Variants in HBS1L observed in about 807,000 individuals in gnomAD.
HBS1L encodes the protein HBS1 like translational GTPase.
A neutral mutation model predicts 88.9 loss-of-function variants in HBS1L; 55 were observed. The ratio of observed to expected loss-of-function variants is 0.62; its 90% CI spans 0.50 to 0.77. The LOEUF is 0.77. HBS1L is among the 30% of genes least tolerant of loss of function. The pLI, the probability that HBS1L is intolerant of heterozygous loss-of-function variation, is 0.00. For missense variants in HBS1L, 741 were observed against 829.3 expected (o/e 0.89, Z 1.31); for synonymous variants, 267 against 288.5 (o/e 0.93, Z 0.76).
At chr6:135,052,594 A>G (rs1405071928) in intron 1 of HBS1L, among the ~76,000 whole-genome samples, 2 of 152,066 alleles carry the variant, frequency 1.3e-5, no homozygotes, top group South Asian at 2.1e-4. Context: ...AAAAAAAAAA[A>G]AAAAAGAAAA....
At chr6:135,014,853 A>AT (rs1173098472) in intron 4 of HBS1L, among the ~76,000 whole-genome samples, 1 of 35,500 alleles carries the variant, frequency 2.8e-5, no homozygotes, top group East Asian at 8.0e-4. Flanking sequence ...TGTCTCTACA[A>AT]AAAAAAAAAA....
intron 16 of HBS1L, among the ~76,000 whole-genome samples, chr6:134,968,881 A>C (rs1774398340): frequency 1.3e-5 from 2 of 152,234 alleles, no homozygotes; most frequent in South Asian, 4.1e-4. Flanking sequence ...TTAAACACGC[A>C]GTAGAAATTT....
intron 8 of HBS1L, among the ~76,000 whole-genome samples, chr6:134,989,464 C>T (rs927509959): frequency 6.6e-6 from 1 of 152,180 alleles, no homozygotes; most frequent in Non-Finnish European, 1.5e-5. Flanking sequence ...CTGGTCAGAA[C>T]AGAGTCCACA....
intron 3 of HBS1L, among the ~76,000 whole-genome samples, 179 bp downstream of exon 3, chr6:135,041,822 G>C (rs73774550): frequency 0.036 from 5,429 of 152,144 alleles, 335 homozygotes; most frequent in African/African-American, 0.12. Context: ...CAATCATACA[G>C]TTAAATACAC....
intron 15 of HBS1L, 144 bp from the exon 16 acceptor site, chr6:134,969,482 C>T (rs1774420044): frequency 1.6e-6 from 1 of 614,556 alleles, no homozygotes; most frequent in African/African-American, 1.9e-5. Flanking sequence ...TAAGTCCCAC[C>T]ACTCTAATCA....
chr6:135,014,339 C>A (rs545069018), intron 4 of HBS1L, among the ~76,000 whole-genome samples: 3 of 152,178 alleles, frequency 2.0e-5, no homozygotes, highest in African/African-American at 7.2e-5. Flanking sequence ...TGCCTAGATA[C>A]GATCTTGGAT....
chr6:135,037,671 C>G (rs558761974), intron 4 of HBS1L: 16 of 1,550,500 alleles, frequency 1.0e-5, no homozygotes, highest in South Asian at 3.6e-5. Flanking sequence ...GAGGTCTCAA[C>G]AAATCGGCAT....
chr6:134,997,514 G>A lies in HBS1L; in HGVS notation c.682C>T (p.Gln228Ter), dbSNP rs137950448. The A allele has an allele frequency of 1.9e-6, 3 of 1,614,082 alleles. No individual in the cohort carries two copies. The highest frequency in any genetic ancestry group is 2.5e-6 in the Non-Finnish European group (3 of 1,179,984). ...TTCACCGGTGCTGGGGTTGAACTCT[G>A]CTCTTCTGATGCTTGAATCGTGTGG... ...PPHTIQASEE[Q>*]SSTPAPVKKS... The change falls in exon 6 of 18, where the codon CAG (glutamine) becomes TAG (stop). Residue 228 changes from glutamine to a stop codon, truncating the protein, a stop_gained. Coordinates refer to ENST00000367837, the MANE Select transcript of HBS1L (RefSeq NM_006620.4). LOFTEE classifies it high-confidence loss of function.
intron 4 of HBS1L, among the ~76,000 whole-genome samples, chr6:135,018,573 T>C (rs925137061): frequency 1.2e-4 from 18 of 152,116 alleles, no homozygotes; most frequent in South Asian, 6.2e-4. Flanking sequence ...ATGCAATGAA[T>C]TTAAATTATC....
chr6:134,996,960 A>G lies in HBS1L; in HGVS notation c.800-18T>C. On this transcript the variant is annotated intron_variant, in intron 6 of 17. Coordinates refer to ENST00000367837, the MANE Select transcript of HBS1L (RefSeq NM_006620.4). ...AACATGACCTAAAGAAAATTGATTC[A>G]GGATTAATACCAGGTACATTTCCAG... 1 of 1,550,440 alleles carries G rather than the reference A, an allele frequency of 6.4e-7. No individual in the cohort carries two copies. The highest frequency in any genetic ancestry group is 2.3e-5 in the East Asian group (1 of 44,038).
chr6:135,028,648 A>T (rs1248561844), intron 4 of HBS1L, among the ~76,000 whole-genome samples: 1 of 152,208 alleles, frequency 6.6e-6, no homozygotes, highest in Non-Finnish European at 1.5e-5. Flanking sequence ...AACCATCTTA[A>T]ATGTTAGCAA....
chr6:135,004,227 A>C (rs2114819851), intron 4 of HBS1L, among the ~76,000 whole-genome samples: 1 of 151,576 alleles, frequency 6.6e-6, no homozygotes, highest in South Asian at 2.1e-4. Context: ...TCTAAGAGCG[A>C]TTACATCCTA....
rs139749814 is a variant in HBS1L at position 135,002,815 on chromosome 6, C to T, written c.458G>A (p.Arg153Gln). 387 of 1,612,602 alleles carry T rather than the reference C, an allele frequency of 2.4e-4. No homozygotes were observed. The highest frequency in any genetic ancestry group is 3.0e-4 in the Non-Finnish European group (358 of 1,179,122). The change falls in exon 5 of 18, where the codon CGA becomes CAA. Residue 153 changes from arginine (R) to glutamine (Q), a missense_variant. By Grantham distance (43) the Arg-to-Gln change is conservative. Around this residue, in one of 3 missense-constraint regions of HBS1L, gnomAD observed 556 missense variants for 598.4 expected, o/e 0.93. Coordinates refer to ENST00000367837, the MANE Select transcript of HBS1L (RefSeq NM_006620.4). Reference protein sequence around the residue: ...KGKPVDSQTSRSESEIVPKVA... With the variant: ...KGKPVDSQTSQSESEIVPKVA... ...TTTTGGCACAATTTCAGATTCACTT[C>T]GCGATGTCTGGGAATCTACTGGTTT...
intron 15 of HBS1L, among the ~76,000 whole-genome samples, chr6:134,972,804 C>T (rs1774527666): frequency 6.6e-6 from 1 of 152,116 alleles, no homozygotes. Flanking sequence ...GGCCAATAAG[C>T]ACATGAAAAG....
In HBS1L at chr6:135,026,680, G is replaced by A. The variant is rs748819054; in HGVS notation, c.430+12893C>T. On this transcript the variant is annotated intron_variant, in intron 4 of 17. Transcript: ENST00000367837. ...AAAACTTAGAGAAAGCAGCAATCAT[G>A]ATATTAATGCTAAACTGAATTTAAG... is the stretch of plus-strand genomic sequence containing the variant. Among the ~76,000 whole-genome samples, 130 of 152,056 alleles carry A rather than the reference G, an allele frequency of 8.5e-4. 1 individual carries two copies. Among genetic ancestry groups the A allele is most frequent in the Admixed American group, 5.9e-4 (9 of 15,258 alleles).
chr6:135,038,924 T>TA (rs1776642732), intron 4 of HBS1L, among the ~76,000 whole-genome samples: 1 of 152,140 alleles, frequency 6.6e-6, no homozygotes, highest in African/African-American at 2.4e-5. Flanking sequence ...CATCAGAGTT[T>TA]AAAAAAATAA....
chr6:134,984,474 A>G (rs1253166710), intron 12 of HBS1L, among the ~76,000 whole-genome samples: 2 of 152,182 alleles, frequency 1.3e-5, no homozygotes, highest in African/African-American at 4.8e-5. Context: ...TACAGAGAAT[A>G]CAGAGGGACG....
Position 134,994,497 on chromosome 6 carries a change from G to C in HBS1L, c.966-622C>G, listed in dbSNP as rs1466412856. On this transcript the variant is annotated intron_variant, in intron 7 of 17. Coordinates refer to ENST00000367837, the MANE Select transcript of HBS1L (RefSeq NM_006620.4). ...TAGATTCAGATTAGTGAAATGCTTG[G>C]GACTAGAAGCTTTTCAAATTACAGA... 2.0e-5 allele frequency among the ~76,000 whole-genome samples: 3 copies of C among 150,624 alleles called. No individual in the cohort carries two copies. The East Asian group carries it at 5.8e-4, about 29-fold the overall frequency.
At chr6:135,006,218 TAAC>T (rs1265608101) in intron 4 of HBS1L, among the ~76,000 whole-genome samples, 2 of 151,954 alleles carry the variant, frequency 1.3e-5, no homozygotes, top group Non-Finnish European at 2.9e-5. Context: ...ATAAATAAAA[TAAC>T]AAAGGAAGAG....
Sources: allele counts gnomAD v4.1 joint callset (sites outside exome capture counted in the v4.1 genomes callset), GRCh38; gene constraint gnomAD v4.1.1; regional missense constraint gnomAD v4.1.1; transcripts MANE v1.5; gene names NCBI Gene and HGNC (gene_info 2026-07-23, HGNC 2026-07-21).